CNTN5: variants seen among roughly 807,000 people sequenced by gnomAD.
CNTN5 encodes the protein contactin 5, also known as contactin-5.
CNTN5 carries 77 observed loss-of-function variants against 129.1 expected under a neutral mutation model. The ratio of observed to expected loss-of-function variants is 0.60; its 90% CI spans 0.50 to 0.72. CNTN5 has a LOEUF of 0.72. Among genes scored for constraint, CNTN5 ranks in the 30% least tolerant of loss-of-function variants. The pLI is 0.00. For synonymous variants in CNTN5, 509 were observed against 465.6 expected, an observed-to-expected ratio of 1.09 and a Z score of -1.20; for missense variants, 1,478 against 1,328.8, an observed-to-expected ratio of 1.11 and a Z score of -1.75.
At chr11:99,545,653 C>A (rs767021107) in intron 2 of CNTN5, among the ~76,000 whole-genome samples, 7 of 152,136 alleles carry the variant, frequency 4.6e-5, no homozygotes, top group Non-Finnish European at 8.8e-5. Context: ...ACAAATTTAT[C>A]CATGTGAAAT....
intron 7 of CNTN5, among the ~76,000 whole-genome samples, chr11:99,938,407 G>A (rs968472526): frequency 6.6e-6 from 1 of 152,014 alleles, no homozygotes; most frequent in African/African-American, 2.4e-5. Context: ...ATATACATAG[G>A]TACTAAAACG....
intron 4 of CNTN5, among the ~76,000 whole-genome samples, chr11:99,840,899 C>T (rs1309038747): frequency 3.3e-5 from 5 of 152,120 alleles, no homozygotes; most frequent in Non-Finnish European, 7.4e-5. Context: ...ATAAAATTCA[C>T]TGCTACAGCA....
At chr11:99,123,523 A>C (rs1200681414) in intron 1 of CNTN5, among the ~76,000 whole-genome samples, 2 of 152,074 alleles carry the variant, frequency 1.3e-5, no homozygotes, top group African/African-American at 4.8e-5. Context: ...TTTGCTGTGC[A>C]GAAGCTCTTT....
chr11:99,640,595 A>G lies in CNTN5; in HGVS notation c.55+84326A>G, dbSNP rs530771171. 3.3e-5 allele frequency among the ~76,000 whole-genome samples: 5 copies of G among 152,304 alleles called. No homozygotes were observed. In the South Asian group the frequency reaches 1.0e-3, roughly 32 times the overall value. On this transcript the variant is annotated intron_variant, in intron 3 of 24. Transcript: ENST00000524871. The stretch of plus-strand genomic sequence containing the variant: ...GGGACACAGCCAAATCATGTCAATT[A>G]TAATACTATATTTTTAGTGTACTTT...
intron 13 of CNTN5, among the ~76,000 whole-genome samples, chr11:100,178,831 T>C (rs17094528): frequency 0.031 from 4,720 of 152,258 alleles, 244 homozygotes; most frequent in African/African-American, 0.11. Flanking sequence ...GATGCTTAAA[T>C]GAAGGTGATA....
chr11:99,947,580 GA>G (rs1950580531), intron 7 of CNTN5, among the ~76,000 whole-genome samples: 1 of 152,112 alleles, frequency 6.6e-6, no homozygotes, highest in Non-Finnish European at 1.5e-5. Context: ...AGAATAAGTT[GA>G]GGGGCAGACA....
At chr11:99,937,858 T>G (rs1441459628) in intron 7 of CNTN5, among the ~76,000 whole-genome samples, 1 of 152,180 alleles carries the variant, frequency 6.6e-6, no homozygotes, top group Admixed American at 6.5e-5. Context: ...TGCCTTGATC[T>G]TGAAACTGAA....
intron 3 of CNTN5, among the ~76,000 whole-genome samples, chr11:99,720,623 A>G (rs1257041848): frequency 6.6e-6 from 1 of 152,094 alleles, no homozygotes. Context: ...TACCACTCCT[A>G]TTCAACATAG....
At chr11:99,030,802 A>G (rs1452652152) in intron 1 of CNTN5, among the ~76,000 whole-genome samples, 1 of 105,440 alleles carries the variant, frequency 9.5e-6, no homozygotes, top group East Asian at 4.3e-4. Flanking sequence ...TTTTTTTGAG[A>G]TGGAATCTCG....
intron 2 of CNTN5, among the ~76,000 whole-genome samples, chr11:99,328,171 G>A (rs7947488): frequency 0.26 from 39,477 of 152,106 alleles, 5,774 homozygotes; most frequent in Middle Eastern, 0.37. Flanking sequence ...TATCGTTTGC[G>A]ACATAAGTAT....
intron 1 of CNTN5, among the ~76,000 whole-genome samples, chr11:99,254,823 A>C (rs902918716): frequency 4.6e-5 from 7 of 152,008 alleles, no homozygotes; most frequent in African/African-American, 1.7e-4. Context: ...CCCAATATTA[A>C]CAAAGAGTAA....
chr11:99,560,313 G>A (rs973330213), intron 3 of CNTN5, among the ~76,000 whole-genome samples: 6 of 140,234 alleles, frequency 4.3e-5, no homozygotes, highest in African/African-American at 1.6e-4. Flanking sequence ...ATTATTTTGA[G>A]ATGGAGTTTC....
intron 1 of CNTN5, among the ~76,000 whole-genome samples, chr11:99,271,321 C>A (rs560770420): frequency 1.3e-5 from 2 of 151,722 alleles, no homozygotes; most frequent in Non-Finnish European, 2.9e-5. Flanking sequence ...TATTTTAATG[C>A]ATATTTTATT....
At chr11:99,094,569 G>C (rs1255280756) in intron 1 of CNTN5, among the ~76,000 whole-genome samples, 1 of 151,978 alleles carries the variant, frequency 6.6e-6, no homozygotes, top group Non-Finnish European at 1.5e-5. Flanking sequence ...AGATAAGACA[G>C]CGCTAACATG....
intron 9 of CNTN5, among the ~76,000 whole-genome samples, chr11:100,039,139 C>T (rs995732704): frequency 3.3e-5 from 5 of 152,158 alleles, no homozygotes; most frequent in Admixed American, 6.5e-5. Flanking sequence ...GTGCTTCCTT[C>T]AGTAGCTCTT....
intron 3 of CNTN5, among the ~76,000 whole-genome samples, chr11:99,779,078 C>T (rs1260149393): frequency 1.3e-5 from 2 of 151,702 alleles, no homozygotes; most frequent in Non-Finnish European, 2.9e-5. Flanking sequence ...AATACAATTT[C>T]TTGAAACATT....
chr11:100,042,277 T>A (rs1942426364), intron 9 of CNTN5, among the ~76,000 whole-genome samples: 1 of 152,072 alleles, frequency 6.6e-6, no homozygotes, highest in African/African-American at 2.4e-5. Flanking sequence ...AAAGCCTTTG[T>A]CTCAATAGCT....
chr11:100,209,144 G>C (rs1948972090), intron 15 of CNTN5, among the ~76,000 whole-genome samples: 1 of 152,106 alleles, frequency 6.6e-6, no homozygotes, highest in Non-Finnish European at 1.5e-5. Context: ...ATAAGGATGT[G>C]GATCCAGGAC....
At chr11:99,446,245 T>A (rs1284103484) in intron 2 of CNTN5, among the ~76,000 whole-genome samples, 1 of 152,162 alleles carries the variant, frequency 6.6e-6, no homozygotes, top group African/African-American at 2.4e-5. Flanking sequence ...GGATTTTAGC[T>A]GTGGACATTT....
Sources: gnomAD v4.1 joint callset for allele counts (sites outside exome capture counted in the v4.1 genomes callset) on GRCh38, gnomAD v4.1.1 for gene constraint, MANE v1.5 for transcripts, NCBI Gene and HGNC (gene_info 2026-07-23, HGNC 2026-07-21) for gene names.